TBC1D32: variants seen among roughly 807,000 people sequenced by gnomAD.
TBC1D32 encodes the protein protein broad-minded.
In TBC1D32, 151 loss-of-function variants were observed where a neutral mutation model predicts 170.3. The observed-to-expected ratio is 0.89, with a 90% CI of 0.78 to 1.01. The LOEUF is 1.01. Among genes scored for constraint, TBC1D32 ranks in the 50% least tolerant of loss-of-function variants. TBC1D32 has a pLI of 0.00. For synonymous variants in TBC1D32, 498 were observed against 488.0 expected (o/e 1.02, Z -0.27); for missense variants, 1,464 against 1,457.1 (o/e 1.00, Z -0.08).
chr6:121,180,077 G>T (rs1788311310), intron 22 of TBC1D32, among the ~76,000 whole-genome samples: 1 of 152,112 alleles, frequency 6.6e-6, no homozygotes, highest in Non-Finnish European at 1.5e-5. Flanking sequence ...AAATTTTAAT[G>T]AGGGTAATTA....
chr6:121,267,192 C>A (rs1800641298), intron 15 of TBC1D32, among the ~76,000 whole-genome samples: 1 of 150,512 alleles, frequency 6.6e-6, no homozygotes, highest in African/African-American at 2.5e-5. Flanking sequence ...CAGTCTACAA[C>A]TCCCAGCGTG....
intron 22 of TBC1D32, among the ~76,000 whole-genome samples, chr6:121,170,782 A>G (rs1313798678): frequency 6.6e-6 from 1 of 152,060 alleles, no homozygotes; most frequent in Non-Finnish European, 1.5e-5. Context: ...CTACATAAAT[A>G]GTAAATTTTC....
At chr6:121,315,011 C>T (rs764761814) in intron 3 of TBC1D32, among the ~76,000 whole-genome samples, 3 of 152,190 alleles carry the variant, frequency 2.0e-5, no homozygotes, top group African/African-American at 4.8e-5. Context: ...TCCCCATTTA[C>T]AAATGGGAAA....
At chr6:121,278,313 T>C (rs1210627025) in intron 15 of TBC1D32, among the ~76,000 whole-genome samples, 4 of 152,068 alleles carry the variant, frequency 2.6e-5, no homozygotes, top group Non-Finnish European at 5.9e-5. Context: ...CAGACTGATA[T>C]ATCTCATGAA....
chr6:121,302,827 A>G (rs1337235763), intron 9 of TBC1D32, among the ~76,000 whole-genome samples: 1 of 152,196 alleles, frequency 6.6e-6, no homozygotes, highest in Non-Finnish European at 1.5e-5. Flanking sequence ...GCTAACCACT[A>G]GAGACAGAAT....
chr6:121,271,595 T>A (rs1265478090), intron 15 of TBC1D32, among the ~76,000 whole-genome samples: 1 of 152,092 alleles, frequency 6.6e-6, no homozygotes, highest in Non-Finnish European at 1.5e-5. Flanking sequence ...TACAAACCAC[T>A]GCTCAATGAA....
At chr6:121,094,654 G>C (rs1777188369) in intron 30 of TBC1D32, among the ~76,000 whole-genome samples, 1 of 152,086 alleles carries the variant, frequency 6.6e-6, no homozygotes, top group South Asian at 2.1e-4. Flanking sequence ...AATTTTGCTT[G>C]GTTGATTTGT....
At chr6:121,299,596 T>C in intron 9 of TBC1D32, 91 bp from the exon 10 acceptor site, 1 of 1,265,332 alleles carries the variant, frequency 7.9e-7, no homozygotes, top group East Asian at 2.9e-5. Context: ...ACATCATAAA[T>C]CACACAATAG....
intron 12 of TBC1D32, among the ~76,000 whole-genome samples, chr6:121,291,599 C>T (rs981944133): frequency 2.6e-5 from 4 of 152,012 alleles, no homozygotes; most frequent in African/African-American, 9.7e-5. Flanking sequence ...TGGTAATATA[C>T]AAAATGACAC....
intron 30 of TBC1D32, among the ~76,000 whole-genome samples, chr6:121,092,629 T>C (rs1435490330): frequency 2.0e-5 from 3 of 152,042 alleles, no homozygotes; most frequent in African/African-American, 7.2e-5. Flanking sequence ...GATCAAGCTA[T>C]TGGCAGGGCT....
chr6:121,111,610 T>C (rs1402929822), intron 29 of TBC1D32, among the ~76,000 whole-genome samples: 1 of 152,138 alleles, frequency 6.6e-6, no homozygotes, highest in Non-Finnish European at 1.5e-5. Flanking sequence ...GGGAGGAAAA[T>C]TTCTCATTAT....
At chr6:121,158,690 C>T (rs1009324389) in intron 24 of TBC1D32, among the ~76,000 whole-genome samples, 1 of 152,098 alleles carries the variant, frequency 6.6e-6, no homozygotes, top group Non-Finnish European at 1.5e-5. Context: ...CAACCCTATA[C>T]AGAAACTTTA....
chr6:121,191,030 A>AATG, intron 22 of TBC1D32, among the ~76,000 whole-genome samples: 1 of 77,000 alleles, frequency 1.3e-5, no homozygotes, highest in African/African-American at 4.5e-5. Context: ...AAGCAAATAC[A>AATG]ATGTGTGTAT....
intron 26 of TBC1D32, among the ~76,000 whole-genome samples, chr6:121,120,019 A>T (rs1451994039): frequency 6.6e-6 from 1 of 152,142 alleles, no homozygotes; most frequent in Non-Finnish European, 1.5e-5. Context: ...GAAATTCTAT[A>T]ATAAAAAAAT....
chr6:121,329,431 C>A (rs919644386), intron 1 of TBC1D32, among the ~76,000 whole-genome samples: 6 of 152,166 alleles, frequency 3.9e-5, no homozygotes, highest in African/African-American at 1.4e-4. Flanking sequence ...GTGGGCAGAT[C>A]ACCTGAGGTC....
At chr6:121,181,929 C>T (rs990299728) in intron 22 of TBC1D32, among the ~76,000 whole-genome samples, 2 of 152,036 alleles carry the variant, frequency 1.3e-5, no homozygotes, top group African/African-American at 2.4e-5. Context: ...AAGCAGATTT[C>T]ATGGAAGTAG....
intron 21 of TBC1D32, among the ~76,000 whole-genome samples, chr6:121,212,446 A>C (rs1419352141): frequency 7.4e-6 from 1 of 134,976 alleles, no homozygotes; most frequent in Non-Finnish European, 1.5e-5. Context: ...TCAGGTCAAT[A>C]TCTCTTTTTT....
rs577512374 is a variant in TBC1D32, at chr6:121,308,501, T to C, written c.565-400A>G. 2.6e-5 allele frequency among the ~76,000 whole-genome samples: 4 copies of C among 151,970 alleles called. No homozygotes were observed. The South Asian group carries it at 8.3e-4, about 32-fold the overall frequency. On this transcript the variant is annotated intron_variant, in intron 4 of 31. Coordinates refer to ENST00000398212, the MANE Select transcript of TBC1D32 (RefSeq NM_152730.6). ...TTAATTTCAAAACATTGCCCAGATA[T>C]GCCCCTGGCAAAGCATTTCCATTCT...
chr6:121,088,458 T>C (rs1298969252), intron 31 of TBC1D32, among the ~76,000 whole-genome samples: 1 of 152,186 alleles, frequency 6.6e-6, no homozygotes, highest in Non-Finnish European at 1.5e-5. Context: ...ACTTCATTAT[T>C]GGTTATTATA....
Sources: allele counts gnomAD v4.1 joint callset (sites outside exome capture counted in the v4.1 genomes callset), GRCh38; gene constraint gnomAD v4.1.1; transcripts MANE v1.5; gene names NCBI Gene and HGNC (gene_info 2026-07-23, HGNC 2026-07-21).